FYCO1: variants seen among roughly 807,000 people sequenced by gnomAD.
The protein encoded by FYCO1 is FYVE and coiled-coil domain autophagy adaptor 1.
In FYCO1, 122 loss-of-function variants were observed where a neutral mutation model predicts 165.1. That is an observed-to-expected ratio of 0.74 (90% CI 0.64 to 0.86). FYCO1 has a LOEUF of 0.86. Among genes scored for constraint, FYCO1 ranks in the 40% least tolerant of loss-of-function variants. The pLI is 0.00. For missense variants in FYCO1, 1,702 were observed against 1,810.3 expected (o/e 0.94, Z 1.09); for synonymous variants, 648 against 742.5 (o/e 0.87, Z 2.07).
In FYCO1 at chr3:45,962,316, G is replaced by A. The variant is rs752948012; in HGVS notation, c.3346C>T (p.Arg1116Cys). 5.6e-6 allele frequency: 9 copies of A among 1,614,012 alleles called. No individual in the cohort carries two copies. Among genetic ancestry groups the A allele is most frequent in the South Asian group, 3.3e-5 (3 of 91,090 alleles). Residue 1116 changes from arginine to cysteine, a missense_variant, in exon 11 of 18, where the codon CGT becomes TGT. Coordinates refer to ENST00000296137, the MANE Select transcript of FYCO1 (RefSeq NM_024513.4). The surrounding 1 kb of genome is among the most constrained non-coding windows in gnomAD (Gnocchi z 4.4). ...YNKLCQEVTNRERNDQKMLAD... is the reference protein window; with the variant it reads ...YNKLCQEVTNCERNDQKMLAD... ...AGCATCTTCTGGTCATTCCTCTCAC[G>A]ATTTGTCACCTCCTGGCAGAGTTTG...
chr3:45,941,674 A>T (rs1704234797), intron 14 of FYCO1, among the ~76,000 whole-genome samples: 1 of 152,232 alleles, frequency 6.6e-6, no homozygotes, highest in Admixed American at 6.5e-5. Context: ...TCTCAAATAC[A>T]CATATCCCCA....
chr3:45,945,117 G>C (rs1027005330), intron 14 of FYCO1: 1 of 152,202 alleles, frequency 6.6e-6, no homozygotes, highest in East Asian at 1.9e-4. Flanking sequence ...CAGCAGCATC[G>C]GAGACACTGC....
At position 45,962,251 on chromosome 3, in the gene FYCO1, G is replaced by C; in HGVS notation, c.3411C>G (p.Leu1137=). 1 of 1,614,230 alleles carries C rather than the reference G, an allele frequency of 6.2e-7. No individual in the cohort carries two copies. Among genetic ancestry groups the C allele is most frequent in the Non-Finnish European group, 8.5e-7 (1 of 1,180,046 alleles). ...LDDLNRTKKY[L]EERLIELLRD... ...TGAGCAGCTCTATCAGCCGCTCCTC[G>C]AGATACTTCTTGGTTCTGTTGAGGT... is the stretch of plus-strand genomic sequence containing the variant. The change falls in exon 11 of 18, where the codon CTC becomes CTG. Residue 1137 remains leucine (L), a synonymous_variant. Transcript: ENST00000296137. The surrounding 1 kb of genome is among the most constrained non-coding windows in gnomAD (Gnocchi z 4.4).
intron 14 of FYCO1, chr3:45,946,993 A>G (rs200297727): frequency 1.9e-6 from 3 of 1,614,238 alleles, no homozygotes; most frequent in East Asian, 4.5e-5. Flanking sequence ...ATCTATGGCA[A>G]TGTCTTTAAT....
At chr3:45,986,013 G>A (rs995183021) in intron 1 of FYCO1, among the ~76,000 whole-genome samples, 9 of 152,218 alleles carry the variant, frequency 5.9e-5, no homozygotes, top group Admixed American at 2.0e-4. Flanking sequence ...GCTCTGTTAC[G>A]TGCTTTACAC....
rs1703016217 is a variant in FYCO1 at position 45,919,322 on chromosome 3, C to A, written c.*2443G>T. 6.6e-6 allele frequency: 1 copy of A among 152,214 alleles called. No homozygotes were observed. The highest frequency in any genetic ancestry group is 1.5e-5 in the Non-Finnish European group (1 of 68,038). The allele number at this position is 152,214 out of a possible 1,614,324, so 9.4% of individuals were successfully genotyped here. A position where few individuals can be genotyped will look rare whatever the true frequency, so the allele number is the denominator to read the frequency against. On this transcript the variant is annotated 3_prime_UTR_variant, in exon 18 of 18. Coordinates refer to ENST00000296137, the MANE Select transcript of FYCO1 (RefSeq NM_024513.4). ...TTGTAGCTGCAGAGAGCACAGCAAA[C>A]TTGAGCTTAAACAGCAACCTAACAA...
chr3:45,983,764 C>T (rs1707173438), intron 2 of FYCO1, among the ~76,000 whole-genome samples: 1 of 151,742 alleles, frequency 6.6e-6, no homozygotes, highest in Non-Finnish European at 1.5e-5. Context: ...AATGTCTTAG[C>T]TGAAAGTAGA....
intron 1 of FYCO1, among the ~76,000 whole-genome samples, chr3:45,990,812 G>A (rs1445290278): frequency 3.3e-5 from 5 of 151,972 alleles, no homozygotes; most frequent in African/African-American, 4.8e-5. Context: ...TCGCTCTGTC[G>A]CCAGGCTGGA....
chr3:45,939,146 T>C (rs568317202), intron 14 of FYCO1, among the ~76,000 whole-genome samples: 3 of 152,372 alleles, frequency 2.0e-5, no homozygotes, highest in African/African-American at 7.2e-5. Context: ...CTGTGGTCAG[T>C]TGAGTGAATA....
intron 14 of FYCO1, among the ~76,000 whole-genome samples, chr3:45,936,938 C>T (rs1034190918): frequency 6.6e-6 from 1 of 152,208 alleles, no homozygotes; most frequent in African/African-American, 2.4e-5. Flanking sequence ...CTAGAGAAGC[C>T]TCTGGCCTAT....
intron 6 of FYCO1, among the ~76,000 whole-genome samples, chr3:45,971,284 G>C (rs766341542): frequency 6.6e-6 from 1 of 152,118 alleles, no homozygotes; most frequent in African/African-American, 2.4e-5. Context: ...TAATGTAAAA[G>C]AAATAATGGA....
Position 45,964,390 on chromosome 3 carries a change from G to T in FYCO1, c.3215C>A (p.Ala1072Glu). 1 of 1,614,034 alleles carries T rather than the reference G, an allele frequency of 6.2e-7. No individual in the cohort carries two copies. Among genetic ancestry groups the T allele is most frequent in the Non-Finnish European group, 8.5e-7 (1 of 1,179,932 alleles). The change falls in exon 10 of 18, where the codon GCG becomes GAG. Residue 1072 changes from alanine to glutamate, a missense_variant. Ala to Glu is a moderately radical substitution (Grantham distance 107). Transcript: ENST00000296137. This position sits in a 1 kb window ranked among gnomAD's most constrained non-coding sequence, Gnocchi z 4.1. ...CTCCTTGTCCTTCCTCAGCATGGCC[G>T]CCTGGCACTCTGCAAGATGGTTGCT... ...CTSNHLAECQ[A>E]AMLRKDKEGA...
At chr3:45,957,505 T>G (rs181466335) in intron 13 of FYCO1, among the ~76,000 whole-genome samples, 2 of 152,286 alleles carry the variant, frequency 1.3e-5, no homozygotes, top group Admixed American at 6.5e-5. Context: ...ACTTGTAAAA[T>G]ACATATGTGA....
In FYCO1 at chr3:45,921,256, C is replaced by T. The variant is rs887656861; in HGVS notation, c.*509G>A. The T allele has an allele frequency of 1.4e-5, 3 of 209,990 alleles. No homozygotes were observed. The highest frequency in any genetic ancestry group is 5.3e-5 in the Admixed American group (1 of 19,046). 13.0% of individuals were successfully genotyped at this position (209,990 alleles called of 1,614,324 possible). ...TCCGGGGGGTCCCCTGGCACCGACT[C>T]GCATGATGGCTGTGTACCTCCTTTT... On this transcript the variant is annotated 3_prime_UTR_variant, in exon 18 of 18. Transcript: ENST00000296137.
In FYCO1 at chr3:45,968,376, G is replaced by A; in HGVS notation, c.958C>T (p.Gln320Ter). 1 of 1,613,618 alleles carries A rather than the reference G, an allele frequency of 6.2e-7. No individual in the cohort carries two copies. The highest frequency in any genetic ancestry group is 8.5e-7 in the Non-Finnish European group (1 of 1,179,934). ...NTVKELQTCL[Q>*]GLELGAAEKE... ...TCTGCTGCTCCTAGCTCCAGGCCCT[G>A]CAGGCATGTCTGCAGCTCCTTCACA... The change falls in exon 8 of 18, where the codon CAG (glutamine) becomes TAG (stop). Residue 320 changes from glutamine (Q) to a stop codon, truncating the protein, a stop_gained. Coordinates refer to ENST00000296137, the MANE Select transcript of FYCO1 (RefSeq NM_024513.4). LOFTEE classifies it high-confidence loss of function.
At chr3:45,948,735 G>C (rs1281230091) in intron 14 of FYCO1, among the ~76,000 whole-genome samples, 2 of 152,224 alleles carry the variant, frequency 1.3e-5, no homozygotes, top group African/African-American at 2.4e-5. Context: ...AGAATGCGCA[G>C]AGAAGTAGGC....
intron 13 of FYCO1, among the ~76,000 whole-genome samples, chr3:45,956,734 A>G: frequency 6.6e-6 from 1 of 152,224 alleles, no homozygotes; most frequent in East Asian, 1.9e-4. Flanking sequence ...AATGATGTCC[A>G]CTGAGAGAAA....
intron 14 of FYCO1, chr3:45,945,609 C>CTAAG (rs1704542156): frequency 6.6e-6 from 1 of 152,138 alleles, no homozygotes; most frequent in South Asian, 2.1e-4. Context: ...ATCACAGGAG[C>CTAAG]TAAGGCAAGG....
At chr3:45,921,907 C>T in intron 17 of FYCO1, 67 bp from the exon 18 acceptor site, 3 of 975,374 alleles carry the variant, frequency 3.1e-6, no homozygotes, top group South Asian at 1.3e-5. Flanking sequence ...GTGGCAGCTG[C>T]TGCTGAGGCC....
Sources: gnomAD v4.1 joint callset for allele counts (sites outside exome capture counted in the v4.1 genomes callset) on GRCh38, gnomAD v4.1.1 for gene constraint, Gnocchi (gnomAD v3.1) non-coding constraint, MANE v1.5 for transcripts, NCBI Gene and HGNC (gene_info 2026-07-23, HGNC 2026-07-21) for gene names.